The following CDIPT variants were observed in gnomAD, a reference collection of about 807,000 sequenced individuals.
The protein encoded by CDIPT is CDP-diacylglycerol--inositol 3-phosphatidyltransferase, also known as PI synthase.
A neutral mutation model predicts 21.6 loss-of-function variants in CDIPT; 17 were observed. The ratio of observed to expected loss-of-function variants is 0.79; its 90% CI spans 0.54 to 1.18. The LOEUF (loss-of-function observed/expected upper bound fraction) is 1.18, where lower values mean the gene tolerates loss of function less well. Among genes scored for constraint, CDIPT ranks in the 50% most tolerant of loss-of-function variants. The pLI, the probability that CDIPT is intolerant of heterozygous loss-of-function variation, is 0.00. For missense variants in CDIPT, 254 were observed against 284.9 expected, an observed-to-expected ratio of 0.89 and a Z score of 0.78; for synonymous variants, 119 against 117.9, an observed-to-expected ratio of 1.01 and a Z score of -0.06.
rs561320167 is a variant in CDIPT at position 29,859,583 on chromosome 16, C to T, written c.415-60G>A. ...GGCAGGCGTGTGCCACCCCCTGCCC[C>T]CCCAGCACTAATGAAGGCACAATCT... On this transcript the variant is annotated intron_variant, in intron 4 of 5. Coordinates refer to ENST00000219789, the MANE Select transcript of CDIPT (RefSeq NM_006319.5). This position sits in a 1 kb window ranked among gnomAD's most constrained non-coding sequence, Gnocchi z 4.5. 6.5e-5 allele frequency: 71 copies of T among 1,096,580 alleles called. No individual in the cohort carries two copies. The South Asian group carries it at 8.5e-4, about 13-fold the overall frequency. The allele number at this position is 1,096,580 out of a possible 1,614,324, so 67.9% of individuals were successfully genotyped here.
At chr16:29,861,295 A>AAAT in intron 2 of CDIPT, 36 bp from the exon 3 acceptor site, 1 of 1,612,836 alleles carries the variant, frequency 6.2e-7, no homozygotes, top group Non-Finnish European at 8.5e-7. Flanking sequence ...GTTATGGCAC[A>AAAT]GTGGATGCAG....
chr16:29,862,880 C>T lies in CDIPT; in HGVS notation c.-23G>A, dbSNP rs755563405. 3 of 1,612,792 alleles carry T rather than the reference C, an allele frequency of 1.9e-6. No homozygotes were observed. Among genetic ancestry groups the T allele is most frequent in the East Asian group, 4.5e-5 (2 of 44,884 alleles). ...CATCGCGGCGCCTCCCTTGCTGCCC[C>T]GGGCCTGCTCTGGAGATGCCAGTGC... On this transcript the variant is annotated 5_prime_UTR_variant, in exon 1 of 6. Coordinates refer to ENST00000219789, the MANE Select transcript of CDIPT (RefSeq NM_006319.5). This position sits in a 1 kb window ranked among gnomAD's most constrained non-coding sequence, Gnocchi z 6.7.
In CDIPT at chr16:29,862,474, C is replaced by T. The variant is rs2067691178; in HGVS notation, c.178+112G>A. 11 of 1,175,272 alleles carry T rather than the reference C, an allele frequency of 9.4e-6. No individual in the cohort carries two copies. The highest frequency in any genetic ancestry group is 1.2e-5 in the Non-Finnish European group (10 of 829,494). The allele number at this position is 1,175,272 out of a possible 1,614,324, so 72.8% of individuals were successfully genotyped here. ...AAAAGCCCCAGGCCATCCTGTTCTG[C>T]TTTTTCCAGAGATGGGAATGACAGC... is the stretch of plus-strand genomic sequence containing the variant. On this transcript the variant is annotated intron_variant, in intron 2 of 5. Transcript: ENST00000219789. The surrounding 1 kb of genome is among the most constrained non-coding windows in gnomAD (Gnocchi z 6.7).
chr16:29,862,937 C>G lies in CDIPT; in HGVS notation c.-80G>C. 1 of 1,539,504 alleles carries G rather than the reference C, an allele frequency of 6.5e-7. No individual in the cohort carries two copies. The highest frequency in any genetic ancestry group is 9.0e-7 in the Non-Finnish European group (1 of 1,115,642). On this transcript the variant is annotated 5_prime_UTR_variant, in exon 1 of 6. Transcript: ENST00000219789. This position sits in a 1 kb window ranked among gnomAD's most constrained non-coding sequence, Gnocchi z 6.7. ...AGCCCCGCAGCGCGGCCTCAGCCTC[C>G]GGCCCGGCGCATCGGCCGCACCACC...
At chr16:29,861,659 C>A in intron 2 of CDIPT, 1 of 649,738 alleles carries the variant, frequency 1.5e-6, no homozygotes, top group Non-Finnish European at 2.6e-6. Flanking sequence ...AGCATGCCTT[C>A]TGGAACCCCA....
Position 29,861,106 on chromosome 16 carries a change from C to T in CDIPT, c.332G>A (p.Ser111Asn), listed in dbSNP as rs752553758. Residue 111 changes from serine to asparagine, a missense_variant and splice_region_variant, in exon 3 of 6, where the codon AGT (serine) becomes AAT (asparagine). Transcript: ENST00000219789. ...DVASHWLHLH[S>N]SVVRGSESHK... The stretch of plus-strand genomic sequence containing the variant: ...CCAGGCCCCCAGAATCGCAGCAGAC[C>T]TGTGGAGGTGCAGCCAGTGACTGGC... The T allele has an allele frequency of 2.5e-6, 4 of 1,614,082 alleles. No homozygotes were observed. The highest frequency in any genetic ancestry group is 3.4e-6 in the Non-Finnish European group (4 of 1,180,016).
At position 29,862,730 on chromosome 16, in the gene CDIPT, G is replaced by A; in HGVS notation, c.44-10C>T. The A allele has an allele frequency of 6.2e-7, 1 of 1,613,868 alleles. No homozygotes were observed. The highest frequency in any genetic ancestry group is 8.5e-7 in the Non-Finnish European group (1 of 1,179,818). On this transcript the variant is annotated splice_polypyrimidine_tract_variant and intron_variant, in intron 1 of 5. Transcript: ENST00000219789. This position sits in a 1 kb window ranked among gnomAD's most constrained non-coding sequence, Gnocchi z 6.7. ...ACAATCCGGGCATAACCTTGGAACG[G>A]GACGCGGGGAGACAGGGCAGGATCA...
intron 2 of CDIPT, chr16:29,861,718 T>C (rs916884684): frequency 1.2e-5 from 7 of 575,254 alleles, no homozygotes; most frequent in Non-Finnish European, 2.2e-5. Flanking sequence ...ACCTGTTGAA[T>C]ACACTGTTTT....
intron 2 of CDIPT, chr16:29,861,506 T>G: frequency 6.5e-7 from 1 of 1,534,722 alleles, no homozygotes; most frequent in Non-Finnish European, 8.7e-7. Flanking sequence ...TGTCTGCAAC[T>G]CATCAACCCC....
In CDIPT at chr16:29,859,327, A is replaced by C; in HGVS notation, c.504T>G (p.Ser168=). The C allele has an allele frequency of 6.4e-7, 1 of 1,566,022 alleles. No individual in the cohort carries two copies. Among genetic ancestry groups the C allele is most frequent in the East Asian group, 2.3e-5 (1 of 43,120 alleles). The change falls in exon 6 of 6, where the codon TCT becomes TCG. Residue 168 remains serine (S), a synonymous_variant. Coordinates refer to ENST00000219789, the MANE Select transcript of CDIPT (RefSeq NM_006319.5). This position sits in a 1 kb window ranked among gnomAD's most constrained non-coding sequence, Gnocchi z 4.5. ...FHFSEGPLVG[S]VGLFRMGLWV... ...AGAGGCCCATCCGGAACAGTCCCACAGAGCCAACTGCAGGAAGGCAGCAGG... is the reference window on the plus strand; with the variant it reads ...AGAGGCCCATCCGGAACAGTCCCACCGAGCCAACTGCAGGAAGGCAGCAGG...
chr16:29,859,299 C>A lies in CDIPT; in HGVS notation c.532G>T (p.Val178Phe). Residue 178 changes from valine to phenylalanine, a missense_variant, in exon 6 of 6, where the codon GTC becomes TTC. By Grantham distance (50) the Val-to-Phe change is conservative (BLOSUM62 -1). Coordinates refer to ENST00000219789, the MANE Select transcript of CDIPT (RefSeq NM_006319.5). The surrounding 1 kb of genome is among the most constrained non-coding windows in gnomAD (Gnocchi z 4.5). ...TTCAGCAAGGCGATGGGGGCAGTGA[C>A]CCAGAGGCCCATCCGGAACAGTCCC... ...SVGLFRMGLW[V>F]TAPIALLKSL... The A allele has an allele frequency of 6.4e-7, 1 of 1,571,164 alleles. No individual in the cohort carries two copies. The highest frequency in any genetic ancestry group is 8.6e-7 in the Non-Finnish European group (1 of 1,157,986).
chr16:29,861,340 C>T, intron 2 of CDIPT, 81 bp from the exon 3 acceptor site: 2 of 1,584,046 alleles, frequency 1.3e-6, no homozygotes, highest in South Asian at 2.3e-5. Flanking sequence ...CACTCTGACG[C>T]AGGGTGTAAA....
rs2067699833 is a variant in CDIPT, at chr16:29,863,172, G to A, written c.-315C>T. On this transcript the variant is annotated 5_prime_UTR_variant, in exon 1 of 6. Transcript: ENST00000219789. ...TGCTCCAGCTGCGCGTGGCTTCCGG[G>A]AACCTCCTCCTCCGCGCCCGTCGTT... 9.5e-6 allele frequency: 4 copies of A among 422,446 alleles called. No homozygotes were observed. Among genetic ancestry groups the A allele is most frequent in the Admixed American group, 9.6e-5 (2 of 20,906 alleles). The allele number at this position is 422,446 out of a possible 1,614,324, so 26.2% of individuals were successfully genotyped here.
chr16:29,860,940 G>A (rs574437942), intron 3 of CDIPT, 166 bp downstream of exon 3: 1 of 666,964 alleles, frequency 1.5e-6, no homozygotes, highest in African/African-American at 1.8e-5. Context: ...AAACATGACT[G>A]AAGCTTTAAA....
rs766634614 is a variant in CDIPT, at chr16:29,862,966, G to T, written c.-109C>A. 13 of 1,271,452 alleles carry T rather than the reference G, an allele frequency of 1.0e-5. No homozygotes were observed. Among genetic ancestry groups the T allele is most frequent in the Admixed American group, 5.3e-5 (3 of 56,940 alleles). The allele number at this position is 1,271,452 out of a possible 1,614,324, so 78.8% of individuals were successfully genotyped here. On this transcript the variant is annotated 5_prime_UTR_variant, in exon 1 of 6. Transcript: ENST00000219789. This position sits in a 1 kb window ranked among gnomAD's most constrained non-coding sequence, Gnocchi z 6.7. ...CCGGCGCATCGGCCGCACCACCTGCGCCCTGGACCCCGCCGCCCCAACCTG... is the reference window on the plus strand; with the variant it reads ...CCGGCGCATCGGCCGCACCACCTGCTCCCTGGACCCCGCCGCCCCAACCTG...
At position 29,862,521 on chromosome 16, in the gene CDIPT, G is replaced by C; in HGVS notation, c.178+65C>G. On this transcript the variant is annotated intron_variant, in intron 2 of 5. Coordinates refer to ENST00000219789, the MANE Select transcript of CDIPT (RefSeq NM_006319.5). The surrounding 1 kb of genome is among the most constrained non-coding windows in gnomAD (Gnocchi z 6.7). ...CAGCCCTCTGACTCTGAGGTCCCGA[G>C]GAGGCAGGGGAAGGGAGGAGGGGAT... 2.0e-6 allele frequency: 3 copies of C among 1,510,494 alleles called. No homozygotes were observed. The highest frequency in any genetic ancestry group is 2.7e-6 in the Non-Finnish European group (3 of 1,112,498). The allele number at this position is 1,510,494 out of a possible 1,614,324, so 93.6% of individuals were successfully genotyped here.
At position 29,860,802 on chromosome 16, in the gene CDIPT, T is replaced by C. The variant is rs952931824; in HGVS notation, c.333-140A>G. ...CCTGCCGAAAGCCACAGTTACCTATTTGGGGGCAGAGTCAGGATTCAAATG... is the reference window on the plus strand; with the variant it reads ...CCTGCCGAAAGCCACAGTTACCTATCTGGGGGCAGAGTCAGGATTCAAATG... On this transcript the variant is annotated intron_variant, in intron 3 of 5. Coordinates refer to ENST00000219789, the MANE Select transcript of CDIPT (RefSeq NM_006319.5). 17 of 658,572 alleles carry C rather than the reference T, an allele frequency of 2.6e-5. No homozygotes were observed. In the Middle Eastern group the frequency reaches 7.3e-4, roughly 28 times the overall value. The allele number at this position is 658,572 out of a possible 1,614,324, so 40.8% of individuals were successfully genotyped here. A position where few individuals can be genotyped will look rare whatever the true frequency, so the allele number is the denominator to read the frequency against.
At position 29,861,177 on chromosome 16, in the gene CDIPT, G is replaced by A; in HGVS notation, c.261C>T (p.Tyr87=). ...MCLLVNLALL[Y]PGATLFFQIS... Reference sequence around the variant, plus strand: ...TTTGGAAGAACAGCGTGGCTCCAGGGTACAGCAGGGCCAGGTTGACCAACA... The same window carrying A: ...TTTGGAAGAACAGCGTGGCTCCAGGATACAGCAGGGCCAGGTTGACCAACA... The change falls in exon 3 of 6, where the codon TAC becomes TAT. Residue 87 remains tyrosine, a synonymous_variant. Transcript: ENST00000219789. 6.2e-7 allele frequency: 1 copy of A among 1,614,192 alleles called. No homozygotes were observed. Among genetic ancestry groups the A allele is most frequent in the Non-Finnish European group, 8.5e-7 (1 of 1,180,044 alleles).
In CDIPT at chr16:29,862,176, G is replaced by A. The variant is rs568037913; in HGVS notation, c.178+410C>T. On this transcript the variant is annotated intron_variant, in intron 2 of 5. Coordinates refer to ENST00000219789, the MANE Select transcript of CDIPT (RefSeq NM_006319.5). The surrounding 1 kb of genome is among the most constrained non-coding windows in gnomAD (Gnocchi z 6.7). Reference sequence around the variant, plus strand: ...AATCAGTCCATTCTTGCTGGGCGCGGCACTTTGGGAGCAAGGCAGGAGGAT... The same window carrying A: ...AATCAGTCCATTCTTGCTGGGCGCGACACTTTGGGAGCAAGGCAGGAGGAT... 3.3e-5 allele frequency among the ~76,000 whole-genome samples: 5 copies of A among 152,316 alleles called. No homozygotes were observed. The South Asian group carries it at 8.3e-4, about 25-fold the overall frequency.
Sources: gnomAD v4.1 joint callset for allele counts (sites outside exome capture counted in the v4.1 genomes callset) on GRCh38, gnomAD v4.1.1 for gene constraint, Gnocchi (gnomAD v3.1) non-coding constraint, MANE v1.5 for transcripts, NCBI Gene and HGNC (gene_info 2026-07-23, HGNC 2026-07-21) for gene names.